Variants in LTBP4 observed in about 807,000 individuals in gnomAD.
The protein encoded by LTBP4 is latent transforming growth factor beta binding protein 4.
Under a neutral mutation model 180.2 loss-of-function variants are expected in LTBP4, and 93 were observed. The ratio of observed to expected loss-of-function variants is 0.52; its 90% CI spans 0.44 to 0.61. The LOEUF is 0.61. Ranked by LOEUF, LTBP4 falls within the 20% of genes least tolerant of loss-of-function variation. The pLI, the probability that LTBP4 is intolerant of heterozygous loss-of-function variation, is 0.00. For missense variants in LTBP4, 2,116 were observed against 2,256.5 expected (o/e 0.94, Z 1.26); for synonymous variants, 947 against 934.5 (o/e 1.01, Z -0.24).
Position 40,627,740 on chromosome 19 carries a change from G to T in LTBP4, c.4402G>T (p.Glu1468Ter). ...LAEPYEELEA[E>*]ECGILDGCTN... ...TGAGCCCTACGAGGAGCTGGAGGCG[G>T]AGGAGTGCGGGATCCTGGACGGCTG... The change falls in exon 29 of 30, where the codon GAG becomes TAG. Residue 1468 changes from glutamate (E) to a stop codon, truncating the protein, a stop_gained. Transcript: ENST00000396819. LOFTEE classifies it high-confidence loss of function. 1.3e-6 allele frequency: 2 copies of T among 1,597,354 alleles called. No homozygotes were observed. The highest frequency in any genetic ancestry group is 1.7e-6 in the Non-Finnish European group (2 of 1,173,574).
intron 27 of LTBP4, among the ~76,000 whole-genome samples, 190 bp from the exon 28 acceptor site, chr19:40,626,785 A>G (rs1291167519): frequency 6.6e-6 from 1 of 152,126 alleles, no homozygotes; most frequent in Non-Finnish European, 1.5e-5. Flanking sequence ...AGCAGGCTTC[A>G]TTACCCTTGA....
At chr19:40,619,843 A>C (rs2081574001) in intron 22 of LTBP4, among the ~76,000 whole-genome samples, 1 of 152,244 alleles carries the variant, frequency 6.6e-6, no homozygotes, top group Non-Finnish European at 1.5e-5. Context: ...GTGACAACCC[A>C]GAGAAATCAA....
chr19:40,601,583 G>A lies in LTBP4; in HGVS notation c.196G>A (p.Val66Met). The A allele has an allele frequency of 2.1e-6, 3 of 1,439,600 alleles. No individual in the cohort carries two copies. Among genetic ancestry groups the A allele is most frequent in the East Asian group, 2.9e-5 (1 of 34,002 alleles). 89.2% of individuals were successfully genotyped at this position (1,439,600 alleles called of 1,614,324 possible). ...CTGCGCGCCCCGCAACGCCACCAGC[G>A]TGGACAGCGGCGCTCCCGGCGGGGC... ...PTCAPRNATSVDSGAPGGAAP... is the reference protein window; with the variant it reads ...PTCAPRNATSMDSGAPGGAAP... Residue 66 changes from valine to methionine, a missense_variant, in exon 1 of 30, where the codon GTG becomes ATG. Val to Met is a conservative substitution (Grantham distance 21). This residue lies in a region of LTBP4 where 469 missense variants were observed against 532.5 expected (regional missense o/e 0.88). Transcript: ENST00000396819.
Position 40,629,178 on chromosome 19 carries a change from C to T in LTBP4, c.4520-218C>T, listed in dbSNP as rs2081658713. 6.6e-6 allele frequency among the ~76,000 whole-genome samples: 1 copy of T among 152,224 alleles called. No homozygotes were observed. Among genetic ancestry groups the T allele is most frequent in the Non-Finnish European group, 1.5e-5 (1 of 67,990 alleles). ...TTATTTTCTTAACAAAATCCTAGTG[C>T]GGTATGGGCCACCATATCCATCTTA... On this transcript the variant is annotated intron_variant, in intron 29 of 29. Transcript: ENST00000396819. This position sits in a 1 kb window ranked among gnomAD's most constrained non-coding sequence, Gnocchi z 4.5.
intron 22 of LTBP4, among the ~76,000 whole-genome samples, chr19:40,620,100 A>G (rs1319380904): frequency 6.6e-6 from 1 of 152,190 alleles, no homozygotes; most frequent in Non-Finnish European, 1.5e-5. Flanking sequence ...TCAACATGGC[A>G]TGATTTAGAG....
intron 4 of LTBP4, 35 bp from the exon 5 acceptor site, chr19:40,606,198 C>T: frequency 6.5e-7 from 1 of 1,548,800 alleles, no homozygotes; most frequent in Non-Finnish European, 8.8e-7. Flanking sequence ...GCTCTGCCCA[C>T]CTGTCCCTGG....
In LTBP4 at chr19:40,608,438, C is replaced by T. The variant is rs1049056018; in HGVS notation, c.1307-46C>T. The T allele has an allele frequency of 2.1e-5, 34 of 1,594,852 alleles. No homozygotes were observed. In the Admixed American group the frequency reaches 5.3e-4, roughly 25 times the overall value. On this transcript the variant is annotated intron_variant, in intron 8 of 29. Coordinates refer to ENST00000396819, the MANE Select transcript of LTBP4 (RefSeq NM_001042545.2). ...GCCCCAGCCCCATAGTGAAAGGAGG[C>T]AAGAGAGGATTTGGGCTCCACTCGT...
upstream of LTBP4, chr19:40,599,595 G>T: frequency 1.9e-6 from 3 of 1,582,838 alleles, no homozygotes; most frequent in Non-Finnish European, 2.6e-6. Flanking sequence ...TCCTCCCTCA[G>T]GAACTCCTAG....
upstream of LTBP4, chr19:40,597,349 G>A (rs978886413): frequency 1.3e-6 from 2 of 1,522,372 alleles, no homozygotes; most frequent in Admixed American, 4.0e-5. Context: ...CCAGGTCGTC[G>A]AGGTCCCGGG....
chr19:40,614,354 G>T lies in LTBP4; in HGVS notation c.2720G>T (p.Gly907Val), dbSNP rs1195600266. 3.1e-6 allele frequency: 5 copies of T among 1,600,440 alleles called. No individual in the cohort carries two copies. Among genetic ancestry groups the T allele is most frequent in the Non-Finnish European group, 4.2e-6 (5 of 1,179,794 alleles). Reference protein sequence around the residue: ...ECRERGPALCGSQRCENSPGS... With the variant: ...ECRERGPALCVSQRCENSPGS... ...CGCGAGCGAGGCCCAGCCCTGTGCGGGTCGCAGCGCTGTGAGAACTCTCCC... is the reference window on the plus strand; with the variant it reads ...CGCGAGCGAGGCCCAGCCCTGTGCGTGTCGCAGCGCTGTGAGAACTCTCCC... Residue 907 changes from glycine (G) to valine (V), a missense_variant, in exon 19 of 30, where the codon GGG (glycine) becomes GTG (valine). Gly to Val is a moderately radical substitution (Grantham distance 109). Coordinates refer to ENST00000396819, the MANE Select transcript of LTBP4 (RefSeq NM_001042545.2).
intron 6 of LTBP4, 38 bp downstream of exon 6, chr19:40,606,564 C>A: frequency 3.2e-6 from 5 of 1,539,256 alleles, no homozygotes; most frequent in Non-Finnish European, 4.4e-6. Flanking sequence ...GGGTCCCGCC[C>A]TCCCTGCCCT....
rs1157654558 is a variant in LTBP4 at position 40,605,592 on chromosome 19, G to C, written c.630G>C (p.Glu210Asp). 6.2e-7 allele frequency: 1 copy of C among 1,600,960 alleles called. No individual in the cohort carries two copies. Among genetic ancestry groups the C allele is most frequent in the South Asian group, 1.1e-5 (1 of 90,018 alleles). ...TGTTGGCACAGAGCGCGCCGCGGGA[G>C]GACGGCTACTCAGATGCCTCGGGCT... is the stretch of plus-strand genomic sequence containing the variant. Reference protein sequence around the residue: ...YTVLAQSAPREDGYSDASGFG... With the variant: ...YTVLAQSAPRDDGYSDASGFG... The change falls in exon 3 of 30, where the codon GAG becomes GAC. Residue 210 changes from glutamate to aspartate, a missense_variant. Glu to Asp is a conservative substitution (Grantham distance 45). Coordinates refer to ENST00000396819, the MANE Select transcript of LTBP4 (RefSeq NM_001042545.2). The surrounding 1 kb of genome is among the most constrained non-coding windows in gnomAD (Gnocchi z 5.5).
upstream of LTBP4, chr19:40,598,658 C>A: frequency 6.2e-6 from 1 of 161,784 alleles, no homozygotes; most frequent in Non-Finnish European, 1.4e-5. Flanking sequence ...CTGGGATTCT[C>A]AGTCCTGGAC....
chr19:40,627,928 C>A, intron 29 of LTBP4, 71 bp downstream of exon 29: 1 of 1,501,070 alleles, frequency 6.7e-7, no homozygotes, highest in Non-Finnish European at 8.9e-7. Context: ...GAAGCCCTGA[C>A]TAGGGGGTGC....
intron 19 of LTBP4, chr19:40,615,433 T>C (rs1306992298): frequency 6.6e-6 from 1 of 152,212 alleles, no homozygotes; most frequent in Non-Finnish European, 1.5e-5. Context: ...CCTGGAGTTA[T>C]TGTGGGGTAA....
intron 15 of LTBP4, 78 bp from the exon 16 acceptor site, chr19:40,612,987 C>T: frequency 4.1e-6 from 6 of 1,478,198 alleles, no homozygotes; most frequent in Non-Finnish European, 4.6e-6. Context: ...ACCACCTCCC[C>T]CAGACACCCT....
At chr19:40,601,273 G>A (rs1418515843), upstream of LTBP4, 1 of 828,484 alleles carries the variant, frequency 1.2e-6, no homozygotes, top group Admixed American at 6.3e-5. Flanking sequence ...GAGTGGTGAG[G>A]AGGGGGGGCC....
At chr19:40,600,082 G>T, upstream of LTBP4, 1 of 1,263,236 alleles carries the variant, frequency 7.9e-7, no homozygotes, top group Non-Finnish European at 1.0e-6. The surrounding 1 kb of genome is among the most constrained non-coding windows in gnomAD (Gnocchi z 4.4). Context: ...CAGGAGGCCA[G>T]AGCTCTACTG....
rs2146026102 is a variant in LTBP4, at chr19:40,609,066, G to GAGTC, written c.1427-462_1427-459dup. ...TGGGTGGTAGTTAGATCAGGAGCTG[G>GAGTC]AGTCACAGTTGGGCTCTTCTGTGTC... On this transcript the variant is annotated intron_variant, in intron 9 of 29. Transcript: ENST00000396819. The surrounding 1 kb of genome is among the most constrained non-coding windows in gnomAD (Gnocchi z 4.9). 5.3e-6 allele frequency: 1 copy of GAGTC among 186,970 alleles called. No homozygotes were observed. Among genetic ancestry groups the GAGTC allele is most frequent in the African/African-American group, 2.4e-5 (1 of 42,112 alleles). 11.6% of individuals were successfully genotyped at this position (186,970 alleles called of 1,614,324 possible).
Sources: gnomAD v4.1 joint callset for allele counts (sites outside exome capture counted in the v4.1 genomes callset) on GRCh38, gnomAD v4.1.1 for gene constraint, gnomAD v4.1.1 regional missense constraint, Gnocchi (gnomAD v3.1) non-coding constraint, MANE v1.5 for transcripts, NCBI Gene and HGNC (gene_info 2026-07-23, HGNC 2026-07-21) for gene names.